The following BRAP variants were observed in gnomAD, a reference collection of about 807,000 sequenced individuals.
BRAP encodes BRCA1 associated protein, also known as BRCA1-associated protein.
In BRAP, 42 loss-of-function variants were observed where a neutral mutation model predicts 73.4. That is an observed-to-expected ratio of 0.57 (90% confidence interval 0.45 to 0.74). The LOEUF is 0.74. Among genes scored for constraint, BRAP ranks in the 30% least tolerant of loss-of-function variants. The pLI is 0.00. For missense variants in BRAP, 593 were observed against 751.4 expected, an observed-to-expected ratio of 0.79 and a Z score of 2.46; for synonymous variants, 255 against 267.4, an observed-to-expected ratio of 0.95 and a Z score of 0.45.
chr12:111,672,563 T>C (rs986316627), intron 5 of BRAP, 98 bp downstream of exon 5: 10 of 1,016,884 alleles, frequency 9.8e-6, no homozygotes, highest in East Asian at 5.3e-5. Flanking sequence ...TCTGTGTCTA[T>C]GGACTGGCCT....
chr12:111,675,432 T>C (rs1002193061), intron 4 of BRAP, among the ~76,000 whole-genome samples: 6 of 150,394 alleles, frequency 4.0e-5, no homozygotes, highest in Non-Finnish European at 7.4e-5. Context: ...TATTGATCTC[T>C]TCTTTAAAAT....
intron 6 of BRAP, among the ~76,000 whole-genome samples, chr12:111,661,177 A>C (rs1322340729): frequency 6.8e-6 from 1 of 147,608 alleles, no homozygotes; most frequent in African/African-American, 2.5e-5. Context: ...ACGGGGCTTC[A>C]CCATGTTGGC....
intron 9 of BRAP, among the ~76,000 whole-genome samples, chr12:111,657,078 T>C (rs769451069): frequency 6.6e-5 from 10 of 151,464 alleles, no homozygotes; most frequent in East Asian, 1.9e-4. Context: ...AGTTTCGCTC[T>C]TGTCGCCCAG....
At chr12:111,671,283 C>A (rs1887160964) in intron 5 of BRAP, among the ~76,000 whole-genome samples, 1 of 152,120 alleles carries the variant, frequency 6.6e-6, no homozygotes, top group Non-Finnish European at 1.5e-5. Flanking sequence ...TGCACAGTGG[C>A]TCATGCTTAT....
chr12:111,674,719 C>T (rs1201421782), intron 4 of BRAP, among the ~76,000 whole-genome samples: 1 of 152,122 alleles, frequency 6.6e-6, no homozygotes, highest in Non-Finnish European at 1.5e-5. Context: ...ATGTTTAAAG[C>T]CAGCTGTTGG....
intron 5 of BRAP, among the ~76,000 whole-genome samples, chr12:111,671,057 G>A (rs917626792): frequency 1.3e-5 from 2 of 151,580 alleles, no homozygotes; most frequent in African/African-American, 4.9e-5. Flanking sequence ...CCAAGATCAC[G>A]CCACTATACT....
intron 9 of BRAP, among the ~76,000 whole-genome samples, chr12:111,656,979 C>T (rs1260054078): frequency 2.0e-5 from 3 of 152,148 alleles, no homozygotes; most frequent in Admixed American, 6.6e-5. Context: ...TGAACTCAAG[C>T]GATCAAGCCT....
At chr12:111,661,263 C>T (rs1182300898) in intron 6 of BRAP, among the ~76,000 whole-genome samples, 1 of 151,142 alleles carries the variant, frequency 6.6e-6, no homozygotes, top group Non-Finnish European at 1.5e-5. Flanking sequence ...CAGGTGTGAG[C>T]CACAGCTCCC....
intron 5 of BRAP, among the ~76,000 whole-genome samples, chr12:111,671,094 A>C (rs1887152794): frequency 1.4e-5 from 2 of 141,116 alleles, no homozygotes; most frequent in African/African-American, 5.4e-5. Context: ...AGTGAGACTC[A>C]TGTCTCCAAA....
rs183063972 is a variant in BRAP at position 111,668,688 on chromosome 12, G to T, written c.748-2901C>A. Among the ~76,000 whole-genome samples the T allele has an allele frequency of 8.8e-5, 13 of 148,228 alleles. No individual in the cohort carries two copies. The Admixed American group carries it at 8.9e-4, about 10-fold the overall frequency. Reference sequence around the variant, plus strand: ...TTTGTTTTTTTTGAGACAGAGTCTCGCTCTGTCGCCCAGGCTGGAGTGCAG... The same window carrying T: ...TTTGTTTTTTTTGAGACAGAGTCTCTCTCTGTCGCCCAGGCTGGAGTGCAG... On this transcript the variant is annotated intron_variant, in intron 5 of 11. Coordinates refer to ENST00000419234, the MANE Select transcript of BRAP (RefSeq NM_006768.5).
At chr12:111,660,496 TA>T in intron 7 of BRAP, 103 bp downstream of exon 7, 2 of 1,014,264 alleles carry the variant, frequency 2.0e-6, no homozygotes, top group Middle Eastern at 2.8e-4. Context: ...AAATAAAAAA[TA>T]AAAAATAAAT....
intron 4 of BRAP, among the ~76,000 whole-genome samples, chr12:111,677,081 G>C (rs1566127820): frequency 2.0e-5 from 3 of 152,170 alleles, no homozygotes; most frequent in Non-Finnish European, 4.4e-5. Context: ...GGGAAGGATA[G>C]TGCAGATGTA....
chr12:111,670,293 G>GT, intron 5 of BRAP: 1 of 575,240 alleles, frequency 1.7e-6, no homozygotes, highest in Non-Finnish European at 3.4e-6. Context: ...GTTTTCACAA[G>GT]TTTTTCTGCC....
At chr12:111,652,537 T>C (rs1340254601) in intron 10 of BRAP, among the ~76,000 whole-genome samples, 4 of 152,214 alleles carry the variant, frequency 2.6e-5, no homozygotes, top group African/African-American at 9.6e-5. Flanking sequence ...AGGTTCTTAA[T>C]ATTGCTACAG....
intron 6 of BRAP, among the ~76,000 whole-genome samples, chr12:111,662,969 T>A (rs10849966): frequency 0.47 from 68,768 of 147,568 alleles, 20,036 homozygotes; most frequent in East Asian, 0.94. Context: ...AACAAAAAAC[T>A]AAAAACAACA....
rs1428965562 is a variant in BRAP at position 111,642,589 on chromosome 12, G to A, written c.*1610C>T. The A allele has an allele frequency of 6.6e-6, 1 of 152,088 alleles. No individual in the cohort carries two copies. Among genetic ancestry groups the A allele is most frequent in the Non-Finnish European group, 1.5e-5 (1 of 68,022 alleles). 9.4% of individuals were successfully genotyped at this position (152,088 alleles called of 1,614,324 possible). Reference sequence around the variant, plus strand: ...AGCTTCTGCAAGGTCAGACATGCAAGACAAGTACTTGGCCAAAACAGCAGG... The same window carrying A: ...AGCTTCTGCAAGGTCAGACATGCAAAACAAGTACTTGGCCAAAACAGCAGG... On this transcript the variant is annotated 3_prime_UTR_variant, in exon 12 of 12. Coordinates refer to ENST00000419234, the MANE Select transcript of BRAP (RefSeq NM_006768.5).
rs1168221182 is a variant in BRAP, at chr12:111,665,258, C to G, written c.896+381G>C. Among the ~76,000 whole-genome samples, 2 of 152,188 alleles carry G rather than the reference C, an allele frequency of 1.3e-5. No individual in the cohort carries two copies. Among genetic ancestry groups the G allele is most frequent in the Admixed American group, 1.3e-4 (2 of 15,270 alleles). ...AGCCCAGCAAAGCTAAAATATTAGG[C>G]TGCTGTAGCCCAGTTGATAAGAAGC... On this transcript the variant is annotated intron_variant, in intron 6 of 11. Coordinates refer to ENST00000419234, the MANE Select transcript of BRAP (RefSeq NM_006768.5). The surrounding 1 kb of genome is among the most constrained non-coding windows in gnomAD (Gnocchi z 4.3).
chr12:111,675,071 G>A (rs1227245357), intron 4 of BRAP, among the ~76,000 whole-genome samples: 4 of 152,018 alleles, frequency 2.6e-5, no homozygotes, highest in Non-Finnish European at 4.4e-5. Context: ...GACCAGCCTG[G>A]GCAACGTGGC....
rs778405557 is a variant in BRAP, at chr12:111,679,353, AAATT to A, written c.444-17_444-14del. ...GGAGGTCATCTTACTAACAAAAAAA[AAATT>A]AGAGTGTCTTGAATAGATGAGGTAT... On this transcript the variant is annotated splice_polypyrimidine_tract_variant and intron_variant, in intron 3 of 11. Transcript: ENST00000419234. The A allele has an allele frequency of 2.8e-5, 43 of 1,516,002 alleles. No homozygotes were observed. The African/African-American group carries it at 5.7e-4, about 20-fold the overall frequency. The allele number at this position is 1,516,002 out of a possible 1,614,324, so 93.9% of individuals were successfully genotyped here. A position where few individuals can be genotyped will look rare whatever the true frequency, so the allele number is the denominator to read the frequency against.
Sources: allele counts gnomAD v4.1 joint callset (sites outside exome capture counted in the v4.1 genomes callset), GRCh38; gene constraint gnomAD v4.1.1; non-coding constraint Gnocchi (gnomAD v3.1); transcripts MANE v1.5; gene names NCBI Gene and HGNC (gene_info 2026-07-23, HGNC 2026-07-21).